CABLES1: variants seen among roughly 807,000 people sequenced by gnomAD.
CABLES1 encodes CDK5 and ABL1 enzyme substrate 1.
A neutral mutation model predicts 57.8 loss-of-function variants in CABLES1; 36 were observed. That is an observed-to-expected ratio of 0.62 (90% confidence interval 0.48 to 0.82). The LOEUF (loss-of-function observed/expected upper bound fraction) is 0.82, where lower values mean the gene tolerates loss of function less well. CABLES1 is among the 40% of genes least tolerant of loss of function. The pLI is 0.00. For missense variants in CABLES1, 767 were observed against 836.6 expected (o/e 0.92, Z 1.03); for synonymous variants, 374 against 363.0 (o/e 1.03, Z -0.35).
At chr18:23,139,048 C>T (rs1385099448) in intron 1 of CABLES1, among the ~76,000 whole-genome samples, 3 of 151,910 alleles carry the variant, frequency 2.0e-5, no homozygotes, top group African/African-American at 7.3e-5. Context: ...GAAATCTGCC[C>T]TTTAAAAAAA....
intron 1 of CABLES1, among the ~76,000 whole-genome samples, chr18:23,166,354 C>G (rs1443108671): frequency 6.6e-6 from 1 of 152,036 alleles, no homozygotes; most frequent in Non-Finnish European, 1.5e-5. Flanking sequence ...AGGCACCCAC[C>G]ACCATGCCTG....
intron 1 of CABLES1, among the ~76,000 whole-genome samples, chr18:23,148,956 C>G (rs1393021379): frequency 3.3e-5 from 5 of 152,092 alleles, no homozygotes; most frequent in Non-Finnish European, 7.4e-5. Context: ...GTGGCGTGAT[C>G]TCAGTTTACT....
At chr18:23,154,244 C>G (rs1324372723) in intron 1 of CABLES1, among the ~76,000 whole-genome samples, 3 of 152,330 alleles carry the variant, frequency 2.0e-5, no homozygotes, top group Middle Eastern at 3.4e-3. Flanking sequence ...ACCTCATAAT[C>G]ATGTGCCGCG....
intron 1 of CABLES1, among the ~76,000 whole-genome samples, chr18:23,154,595 A>G (rs2046953759): frequency 6.6e-6 from 1 of 152,184 alleles, no homozygotes; most frequent in Admixed American, 6.5e-5. Flanking sequence ...GTTCTCAGTA[A>G]ATATCTAATG....
intron 3 of CABLES1, among the ~76,000 whole-genome samples, chr18:23,198,327 A>G (rs1339590400): frequency 3.3e-5 from 5 of 152,226 alleles, no homozygotes; most frequent in Non-Finnish European, 7.3e-5. Context: ...TGTTTGTCAA[A>G]TAAATGAGTA....
rs980343114 is a variant in CABLES1 at position 23,257,997 on chromosome 18, A to AGAT, written c.*634_*636dup. 2.0e-5 allele frequency: 3 copies of AGAT among 152,176 alleles called. No homozygotes were observed. The highest frequency in any genetic ancestry group is 7.2e-5 in the African/African-American group (3 of 41,438). The allele number at this position is 152,176 out of a possible 1,614,324, so 9.4% of individuals were successfully genotyped here. ...AGGCTGACCTTCAACAATTATTTCT[A>AGAT]GATGATTTCTGGATAAGAATTGCTC... On this transcript the variant is annotated 3_prime_UTR_variant, in exon 10 of 10. Coordinates refer to ENST00000256925, the MANE Select transcript of CABLES1 (RefSeq NM_001100619.3).
chr18:23,142,743 G>A (rs1288621365), intron 1 of CABLES1, among the ~76,000 whole-genome samples: 7 of 152,144 alleles, frequency 4.6e-5, no homozygotes, highest in Admixed American at 2.0e-4. Context: ...ATAAGTAAAC[G>A]GGCAAGTTGG....
rs1349551404 is a variant in CABLES1 at position 23,201,943 on chromosome 18, C to T, written c.1010+7403C>T. ...CTGGGGCTATCCCAGTGGGGAAGCG[C>T]ATGCGCCCTGATGGAACAGCAGTCA... On this transcript the variant is annotated intron_variant, in intron 3 of 9. Coordinates refer to ENST00000256925, the MANE Select transcript of CABLES1 (RefSeq NM_001100619.3). Among the ~76,000 whole-genome samples, 36 of 152,172 alleles carry T rather than the reference C, an allele frequency of 2.4e-4. 1 individual carries two copies. The highest frequency in any genetic ancestry group is 2.3e-3 in the Admixed American group (35 of 15,288).
At chr18:23,142,489 A>G (rs8098869) in intron 1 of CABLES1, among the ~76,000 whole-genome samples, 8,684 of 152,266 alleles carry the variant, frequency 0.057, 253 homozygotes, top group Middle Eastern at 0.13. Flanking sequence ...ACATGTTGAT[A>G]TCAGACCCCA....
intron 7 of CABLES1, 26 bp downstream of exon 7, chr18:23,237,271 G>A (rs201342490): frequency 4.0e-6 from 6 of 1,484,068 alleles, no homozygotes; most frequent in African/African-American, 2.8e-5. Flanking sequence ...TGGAGGCTCC[G>A]TTTGCTGCAC....
chr18:23,167,390 G>T (rs1011672690), intron 1 of CABLES1, among the ~76,000 whole-genome samples: 1 of 152,034 alleles, frequency 6.6e-6, no homozygotes, highest in African/African-American at 2.4e-5. Flanking sequence ...GGAAATTCAA[G>T]GTCTGTTTCA....
chr18:23,193,839 A>T (rs1335725441), intron 2 of CABLES1, among the ~76,000 whole-genome samples: 1 of 152,206 alleles, frequency 6.6e-6, no homozygotes, highest in Non-Finnish European at 1.5e-5. Context: ...AAGCCATTTT[A>T]GCTCAACAAA....
intron 1 of CABLES1, among the ~76,000 whole-genome samples, chr18:23,153,375 G>A (rs1204773230): frequency 6.6e-6 from 1 of 152,014 alleles, no homozygotes; most frequent in African/African-American, 2.4e-5. Context: ...TAGGATTACA[G>A]GCATGTGCCA....
Position 23,224,700 on chromosome 18 carries a change from C to G in CABLES1, c.1089-9908C>G, listed in dbSNP as rs1231427045. Among the ~76,000 whole-genome samples, 5 of 150,712 alleles carry G rather than the reference C, an allele frequency of 3.3e-5. 1 individual carries two copies. The South Asian group carries it at 6.4e-4, about 19-fold the overall frequency. On this transcript the variant is annotated intron_variant, in intron 4 of 9. Transcript: ENST00000256925. Reference sequence around the variant, plus strand: ...TCTCCTGCCACAGCCTCCTGAGTAGCTGGGATTACAGGTGCCCGCCACTAC... The same window carrying G: ...TCTCCTGCCACAGCCTCCTGAGTAGGTGGGATTACAGGTGCCCGCCACTAC...
At chr18:23,152,046 T>C (rs2046934493) in intron 1 of CABLES1, among the ~76,000 whole-genome samples, 1 of 152,084 alleles carries the variant, frequency 6.6e-6, no homozygotes, top group Non-Finnish European at 1.5e-5. Context: ...TATGGACTGA[T>C]TGGGTAGCAG....
At chr18:23,161,707 G>A (rs937083764) in intron 1 of CABLES1, among the ~76,000 whole-genome samples, 212 of 144,884 alleles carry the variant, frequency 1.5e-3, no homozygotes, top group African/African-American at 5.4e-3. Context: ...TCAGGAGATC[G>A]AGACCATCCT....
intron 3 of CABLES1, among the ~76,000 whole-genome samples, chr18:23,213,159 T>C (rs971308526): frequency 1.3e-5 from 2 of 152,156 alleles, no homozygotes; most frequent in Admixed American, 6.5e-5. Flanking sequence ...GTAGAACCAT[T>C]TTCCCTGGTC....
At chr18:23,153,611 G>A (rs2046946915) in intron 1 of CABLES1, among the ~76,000 whole-genome samples, 1 of 152,026 alleles carries the variant, frequency 6.6e-6, no homozygotes, top group African/African-American at 2.4e-5. Context: ...ACACATACCT[G>A]TAATCCCAGC....
intron 1 of CABLES1, among the ~76,000 whole-genome samples, chr18:23,151,744 C>T (rs2144962249): frequency 6.6e-6 from 1 of 152,204 alleles, no homozygotes; most frequent in South Asian, 2.1e-4. Flanking sequence ...TAAGAGTGGA[C>T]AGGTATCAAG....
Sources: allele counts gnomAD v4.1 joint callset (sites outside exome capture counted in the v4.1 genomes callset), GRCh38; gene constraint gnomAD v4.1.1; transcripts MANE v1.5; gene names NCBI Gene and HGNC (gene_info 2026-07-23, HGNC 2026-07-21).